The following MSANTD3 variants were observed in gnomAD, a reference collection of about 807,000 sequenced individuals.
MSANTD3 encodes Myb/SANT DNA binding domain containing 3, also known as myb/SANT-like DNA-binding domain-containing protein 3.
In MSANTD3, 11 loss-of-function variants were observed where a neutral mutation model predicts 27.7. That is an observed-to-expected ratio of 0.40 (90% CI 0.25 to 0.66). The LOEUF is 0.66. Ranked by LOEUF, MSANTD3 falls within the 30% of genes least tolerant of loss-of-function variation. MSANTD3 has a pLI of 0.41. For missense variants in MSANTD3, 250 were observed against 336.5 expected, an observed-to-expected ratio of 0.74 and a Z score of 2.01; for synonymous variants, 131 against 127.2, an observed-to-expected ratio of 1.03 and a Z score of -0.20.
chr9:100,431,575 T>A (rs1295840686), intron 1 of MSANTD3, among the ~76,000 whole-genome samples: 3 of 152,166 alleles, frequency 2.0e-5, no homozygotes, highest in Admixed American at 1.3e-4. Context: ...GTGCTGGGAT[T>A]ACAGGTGTGA....
At chr9:100,439,572 C>T (rs376867939) in intron 1 of MSANTD3, among the ~76,000 whole-genome samples, 2 of 150,942 alleles carry the variant, frequency 1.3e-5, no homozygotes, top group African/African-American at 2.4e-5. Flanking sequence ...TGCAGTGGCG[C>T]GATCTCAGCT....
At position 100,442,180 on chromosome 9, in the gene MSANTD3, C is replaced by A. The variant is rs1405278364; in HGVS notation, c.242C>A (p.Thr81Asn). The change falls in exon 2 of 3, where the codon ACC becomes AAC. Residue 81 changes from threonine (T) to asparagine (N), a missense_variant. This residue lies in a region of MSANTD3 where 235 missense variants were observed against 299.3 expected (regional missense o/e 0.79). Transcript: ENST00000395067. ...KKCWENIKARTKKIMAHERRE... is the reference protein window; with the variant it reads ...KKCWENIKARNKKIMAHERRE... Reference sequence around the variant, plus strand: ...TGCTGGGAGAACATCAAGGCTCGGACCAAAAAAATTATGGCCCATGAAAGG... The same window carrying A: ...TGCTGGGAGAACATCAAGGCTCGGAACAAAAAAATTATGGCCCATGAAAGG... 1 of 1,613,966 alleles carries A rather than the reference C, an allele frequency of 6.2e-7. No individual in the cohort carries two copies. The highest frequency in any genetic ancestry group is 8.5e-7 in the Non-Finnish European group (1 of 1,180,012).
rs371710495 is a variant in MSANTD3 at position 100,450,989 on chromosome 9, T to G, written c.*23T>G. The stretch of plus-strand genomic sequence containing the variant: ...TAAGACTTTGGGGGTGGCTCTCTTG[T>G]AATTAATCTGTGTTGGCAAAGAATG... On this transcript the variant is annotated 3_prime_UTR_variant, in exon 3 of 3. Coordinates refer to ENST00000395067, the MANE Select transcript of MSANTD3 (RefSeq NM_080655.3). The G allele has an allele frequency of 4.5e-6, 7 of 1,544,756 alleles. No individual in the cohort carries two copies. The highest frequency in any genetic ancestry group is 2.1e-5 in the Admixed American group (1 of 48,172).
chr9:100,429,787 C>T (rs888482699), intron 1 of MSANTD3: 1 of 151,910 alleles, frequency 6.6e-6, no homozygotes, highest in Non-Finnish European at 1.5e-5. Context: ...ACTGCAGTCT[C>T]CACCTCTTGG....
chr9:100,434,349 G>A (rs910593661), intron 1 of MSANTD3, among the ~76,000 whole-genome samples: 1 of 152,162 alleles, frequency 6.6e-6, no homozygotes, highest in Non-Finnish European at 1.5e-5. Context: ...CCAACATAGA[G>A]TGAAACCCCA....
intron 1 of MSANTD3, among the ~76,000 whole-genome samples, chr9:100,432,138 G>C (rs1836390662): frequency 6.6e-6 from 1 of 152,178 alleles, no homozygotes; most frequent in African/African-American, 2.4e-5. Context: ...CTCAGGCGCA[G>C]ATGATGAAAA....
chr9:100,427,856 G>T (rs1277701679), intron 1 of MSANTD3, among the ~76,000 whole-genome samples: 1 of 152,170 alleles, frequency 6.6e-6, no homozygotes, highest in Non-Finnish European at 1.5e-5. Context: ...GCAGGATGAA[G>T]GCCGAGCATC....
chr9:100,432,704 A>C (rs1836402405), intron 1 of MSANTD3, among the ~76,000 whole-genome samples: 1 of 152,170 alleles, frequency 6.6e-6, no homozygotes, highest in South Asian at 2.1e-4. Context: ...GCACAGTTAA[A>C]CCTGTTTAAA....
intron 1 of MSANTD3, among the ~76,000 whole-genome samples, chr9:100,439,063 G>C (rs1008763008): frequency 6.6e-6 from 1 of 152,158 alleles, no homozygotes; most frequent in African/African-American, 2.4e-5. Flanking sequence ...ATGTAGAGCA[G>C]GGTACCTGGT....
intron 1 of MSANTD3, among the ~76,000 whole-genome samples, chr9:100,441,423 C>T (rs1836617600): frequency 6.6e-6 from 1 of 151,876 alleles, no homozygotes; most frequent in South Asian, 2.1e-4. Context: ...CACTTGAGGT[C>T]AGTAGTTCGA....
chr9:100,442,456 CT>C, intron 2 of MSANTD3, 100 bp downstream of exon 2: 1 of 1,478,488 alleles, frequency 6.8e-7, no homozygotes, highest in South Asian at 1.4e-5. Flanking sequence ...AAAAATGAAA[CT>C]TTTGTATCAA....
intron 2 of MSANTD3, among the ~76,000 whole-genome samples, chr9:100,449,398 T>G (rs539474021): frequency 6.6e-6 from 1 of 152,096 alleles, no homozygotes; most frequent in Non-Finnish European, 1.5e-5. Context: ...AAAAAGAGAA[T>G]GTCATGGTGC....
rs1340971683 is a variant in MSANTD3 at position 100,445,160 on chromosome 9, G to C, written c.418+2804G>C. On this transcript the variant is annotated intron_variant, in intron 2 of 2. Transcript: ENST00000395067. Reference sequence around the variant, plus strand: ...ACTTTGAGTTCATTTCACTCATTTTGCATTTCAGTTTTCTTTCAAGAAAGA... The same window carrying C: ...ACTTTGAGTTCATTTCACTCATTTTCCATTTCAGTTTTCTTTCAAGAAAGA... The C allele has an allele frequency of 1.9e-6, 3 of 1,576,732 alleles. No homozygotes were observed. In the African/African-American group the frequency reaches 4.0e-5, roughly 21 times the overall value.
intron 1 of MSANTD3, among the ~76,000 whole-genome samples, chr9:100,441,319 T>C (rs1188266610): frequency 6.6e-6 from 1 of 152,042 alleles, no homozygotes; most frequent in Admixed American, 6.6e-5. Flanking sequence ...TTCCCTAATA[T>C]TAAAGAAAAA....
intron 2 of MSANTD3, among the ~76,000 whole-genome samples, chr9:100,442,890 A>C (rs1836663158): frequency 6.6e-6 from 1 of 151,750 alleles, no homozygotes; most frequent in African/African-American, 2.4e-5. Context: ...TGGAGACTTT[A>C]TTATTACTTA....
chr9:100,443,304 C>T (rs2118238648), intron 2 of MSANTD3, among the ~76,000 whole-genome samples: 2 of 151,408 alleles, frequency 1.3e-5, no homozygotes, highest in Middle Eastern at 6.8e-3. Context: ...GAGGCTGAGG[C>T]AGGAGAATCG....
intron 1 of MSANTD3, among the ~76,000 whole-genome samples, chr9:100,436,169 A>C (rs933592962): frequency 6.6e-6 from 1 of 152,098 alleles, no homozygotes; most frequent in African/African-American, 2.4e-5. Flanking sequence ...ATGGGGTCTC[A>C]CTGTGTTGTC....
chr9:100,428,019 A>C (rs1434275837), intron 1 of MSANTD3, among the ~76,000 whole-genome samples: 2 of 152,128 alleles, frequency 1.3e-5, no homozygotes, highest in Non-Finnish European at 2.9e-5. Context: ...ATAACAGCTA[A>C]ATTTTGAGCA....
At chr9:100,441,111 T>A (rs952031333) in intron 1 of MSANTD3, among the ~76,000 whole-genome samples, 4 of 151,244 alleles carry the variant, frequency 2.6e-5, no homozygotes, top group African/African-American at 9.7e-5. Context: ...AATTTTTGTA[T>A]TTTTAGTAGA....
Sources: allele counts gnomAD v4.1 joint callset (sites outside exome capture counted in the v4.1 genomes callset), GRCh38; gene constraint gnomAD v4.1.1; regional missense constraint gnomAD v4.1.1; transcripts MANE v1.5; gene names NCBI Gene and HGNC (gene_info 2026-07-23, HGNC 2026-07-21).